Variants in FAT4 observed in about 807,000 individuals in gnomAD.
FAT4 encodes the protein FAT atypical cadherin 4.
Under a neutral mutation model 303.9 loss-of-function variants are expected in FAT4, and 84 were observed. That is an observed-to-expected ratio of 0.28 (90% CI 0.23 to 0.33). The LOEUF (loss-of-function observed/expected upper bound fraction) is 0.33, where lower values mean the gene tolerates loss of function less well. Among genes scored for constraint, FAT4 ranks in the 10% least tolerant of loss-of-function variants. FAT4 has a pLI of 1.00. For missense variants in FAT4, 6,005 were observed against 6,146.8 expected (o/e 0.98, Z 0.77); for synonymous variants, 2,307 against 2,298.8 (o/e 1.00, Z -0.10).
At chr4:125,356,910 T>G (rs1191904837) in intron 2 of FAT4, among the ~76,000 whole-genome samples, 2 of 151,914 alleles carry the variant, frequency 1.3e-5, no homozygotes, top group Non-Finnish European at 2.9e-5. Flanking sequence ...AAATCTCCAC[T>G]AGTTCTTTGT....
Position 125,318,734 on chromosome 4 carries a change from A to T in FAT4, c.2323A>T (p.Asn775Tyr), listed in dbSNP as rs945823865. 6.2e-7 allele frequency: 1 copy of T among 1,613,954 alleles called. No homozygotes were observed. Among genetic ancestry groups the T allele is most frequent in the Non-Finnish European group, 8.5e-7 (1 of 1,179,940 alleles). The change falls in exon 2 of 18, where the codon AAC (asparagine) becomes TAC (tyrosine). Residue 775 changes from asparagine to tyrosine, a missense_variant. Transcript: ENST00000394329. ...TGATGGTGGCAATTTACAATCTCCC[A>T]ACCAGGCAATAGTAACCATCACTGT... ...ATDGGNLQSP[N>Y]QAIVTITVLD...
chr4:125,396,963 TATAA>T (rs33927523), intron 2 of FAT4, among the ~76,000 whole-genome samples: 11 of 99,502 alleles, frequency 1.1e-4, no homozygotes, highest in African/African-American at 5.1e-4. Context: ...TATATATATA[TATAA>T]AATATGTATG....
At chr4:125,361,537 C>A (rs975186930) in intron 2 of FAT4, among the ~76,000 whole-genome samples, 4 of 152,102 alleles carry the variant, frequency 2.6e-5, no homozygotes, top group Non-Finnish European at 5.9e-5. Flanking sequence ...CATTCAAACT[C>A]TGCAACCTTG....
At chr4:125,333,869 C>T (rs1402295618) in intron 2 of FAT4, among the ~76,000 whole-genome samples, 1 of 152,108 alleles carries the variant, frequency 6.6e-6, no homozygotes, top group Non-Finnish European at 1.5e-5. Flanking sequence ...ATCACATACA[C>T]TCTAACTTTT....
chr4:125,353,388 T>C (rs1303614255), intron 2 of FAT4, among the ~76,000 whole-genome samples: 1 of 151,756 alleles, frequency 6.6e-6, no homozygotes, highest in African/African-American at 2.4e-5. Context: ...TTTTAGAATA[T>C]GATATAAATA....
At chr4:125,323,149 T>C (rs56407627) in intron 2 of FAT4, among the ~76,000 whole-genome samples, 65,487 of 151,968 alleles carry the variant, frequency 0.43, 14,417 homozygotes, top group Non-Finnish European at 0.47. Context: ...TTCCAGACTT[T>C]AGATGAATTT....
chr4:125,365,291 T>G (rs1732834336), intron 2 of FAT4, among the ~76,000 whole-genome samples: 1 of 152,120 alleles, frequency 6.6e-6, no homozygotes, highest in South Asian at 2.1e-4. Context: ...AACAGAGAAG[T>G]CTAGATTAAA....
intron 3 of FAT4, among the ~76,000 whole-genome samples, chr4:125,403,472 T>C (rs1734466751): frequency 6.6e-6 from 1 of 152,102 alleles, no homozygotes; most frequent in Non-Finnish European, 1.5e-5. Context: ...TCCCATTCCT[T>C]CACCATCATT....
chr4:125,429,784 T>C (rs1374425792), intron 7 of FAT4, among the ~76,000 whole-genome samples: 1 of 152,202 alleles, frequency 6.6e-6, no homozygotes, highest in African/African-American at 2.4e-5. Context: ...TTTGACACAC[T>C]AATGTTGAGA....
chr4:125,449,431 A>C lies in FAT4; in HGVS notation c.8421A>C (p.Ala2807=), dbSNP rs368549043. ...CTGATGAAGACATTGGGATCAATGC[A>C]ATTAGTAGATATTCTATAATGGATG... ...TTSDEDIGIN[A]ISRYSIMDAS... The change falls in exon 10 of 18, where the codon GCA becomes GCC. Residue 2807 remains alanine (A), a synonymous_variant. Coordinates refer to ENST00000394329, the MANE Select transcript of FAT4 (RefSeq NM_001291303.3). 6.2e-7 allele frequency: 1 copy of C among 1,613,844 alleles called. No homozygotes were observed. Among genetic ancestry groups the C allele is most frequent in the Non-Finnish European group, 8.5e-7 (1 of 1,179,844 alleles).
In FAT4 at chr4:125,319,854, T is replaced by G; in HGVS notation, c.3443T>G (p.Leu1148Trp). 6.2e-7 allele frequency: 1 copy of G among 1,614,164 alleles called. No individual in the cohort carries two copies. Among genetic ancestry groups the G allele is most frequent in the Non-Finnish European group, 8.5e-7 (1 of 1,180,020 alleles). ...GAAATGGTGCAGCCAGATTTTGAGT[T>G]GCATGCCATCAGTGGGGAAATTACA... ...SFEMVQPDFE[L>W]HAISGEITNT... Residue 1148 changes from leucine (L) to tryptophan (W), a missense_variant, in exon 2 of 18, where the codon TTG becomes TGG. Transcript: ENST00000394329.
rs2126083675 is a variant in FAT4 at position 125,477,165 on chromosome 4, G to A, written c.12310G>A (p.Val4104Ile). The change falls in exon 14 of 18, where the codon GTT (valine) becomes ATT (isoleucine). Residue 4104 changes from valine to isoleucine, a missense_variant. Physicochemically the swap from Val to Ile is conservative, Grantham distance 29 (BLOSUM62 3). Transcript: ENST00000394329. ...VAVSDDWTLDVQPNRVTVGGI... is the reference protein window; with the variant it reads ...VAVSDDWTLDIQPNRVTVGGI... ...CCATTATTTATTTAGGACTCTTGAT[G>A]TTCAGCCAAATAGAGTTACAGTTGG... The A allele has an allele frequency of 2.2e-6, 3 of 1,361,110 alleles. No individual in the cohort carries two copies. The highest frequency in any genetic ancestry group is 2.9e-6 in the Non-Finnish European group (3 of 1,046,306). 84.3% of individuals were successfully genotyped at this position (1,361,110 alleles called of 1,614,324 possible).
chr4:125,398,820 C>A lies in FAT4; in HGVS notation c.5212C>A (p.Pro1738Thr). ...ACTTCAGGATATCAATGACAATCCA[C>A]CAGTATTTCCAACGGACATGCTGGA... ...ITLQDINDNP[P>T]VFPTDMLDLT... The change falls in exon 3 of 18, where the codon CCA becomes ACA. Residue 1738 changes from proline to threonine, a missense_variant. Physicochemically the swap from Pro to Thr is conservative, Grantham distance 38 (BLOSUM62 -1). Transcript: ENST00000394329. 1 of 1,613,180 alleles carries A rather than the reference C, an allele frequency of 6.2e-7. No homozygotes were observed.
intron 8 of FAT4, among the ~76,000 whole-genome samples, chr4:125,444,828 A>G (rs1413591359): frequency 1.3e-5 from 2 of 152,118 alleles, no homozygotes; most frequent in Non-Finnish European, 2.9e-5. Context: ...ACATCCACTG[A>G]CAGCAACAAG....
chr4:125,468,410 T>G, intron 11 of FAT4, 102 bp from the exon 12 acceptor site: 3 of 860,764 alleles, frequency 3.5e-6, no homozygotes, highest in Non-Finnish European at 4.8e-6. Context: ...AAAAAAGTTG[T>G]TAAAAGATAT....
At chr4:125,481,837 C>A in intron 16 of FAT4, 99 bp downstream of exon 16, 2 of 1,026,840 alleles carry the variant, frequency 1.9e-6, no homozygotes, top group Non-Finnish European at 2.9e-6. Context: ...TCTTTACAAC[C>A]CATTAGAGTT....
chr4:125,477,429 C>A, intron 14 of FAT4, 95 bp downstream of exon 14: 1 of 1,086,848 alleles, frequency 9.2e-7, no homozygotes, highest in Non-Finnish European at 1.3e-6. Flanking sequence ...ATGCTCAAAT[C>A]TCTAAAAATA....
At chr4:125,444,274 T>A (rs1260482178) in intron 8 of FAT4, among the ~76,000 whole-genome samples, 1 of 151,988 alleles carries the variant, frequency 6.6e-6, no homozygotes, top group Non-Finnish European at 1.5e-5. Flanking sequence ...TTTTGGTGAG[T>A]GCTTCCTGTG....
At position 125,409,973 on chromosome 4, in the gene FAT4, C is replaced by T. The variant is rs1734782222; in HGVS notation, c.5920+1179C>T. ...ATTTAGAATTGCCTTATTCTTATGA[C>T]TTGGATGATTTGTGAAATCTCAGAA... On this transcript the variant is annotated intron_variant, in intron 5 of 17. Coordinates refer to ENST00000394329, the MANE Select transcript of FAT4 (RefSeq NM_001291303.3). Among the ~76,000 whole-genome samples, 3 of 152,104 alleles carry T rather than the reference C, an allele frequency of 2.0e-5. No homozygotes were observed. The South Asian group carries it at 6.2e-4, about 31-fold the overall frequency.
Sources: gnomAD v4.1 joint callset for allele counts (sites outside exome capture counted in the v4.1 genomes callset) on GRCh38, gnomAD v4.1.1 for gene constraint, MANE v1.5 for transcripts, NCBI Gene and HGNC (gene_info 2026-07-23, HGNC 2026-07-21) for gene names.